The following ITGA5 variants were observed in gnomAD, a reference collection of about 807,000 sequenced individuals.
ITGA5 encodes integrin subunit alpha 5.
A neutral mutation model predicts 146.3 loss-of-function variants in ITGA5; 55 were observed. The observed-to-expected ratio is 0.38, with a 90% CI of 0.30 to 0.47. The LOEUF (loss-of-function observed/expected upper bound fraction) is 0.47, where lower values mean the gene tolerates loss of function less well. Among genes scored for constraint, ITGA5 ranks in the 20% least tolerant of loss-of-function variants. The pLI, the probability that ITGA5 is intolerant of heterozygous loss-of-function variation, is 0.99. For missense variants in ITGA5, 1,131 were observed against 1,329.0 expected, an observed-to-expected ratio of 0.85 and a Z score of 2.32; for synonymous variants, 500 against 531.8, an observed-to-expected ratio of 0.94 and a Z score of 0.82.
At chr12:54,414,936 G>T (rs530694796) in intron 1 of ITGA5, among the ~76,000 whole-genome samples, 1 of 152,244 alleles carries the variant, frequency 6.6e-6, no homozygotes, top group East Asian at 1.9e-4. Flanking sequence ...ATCACCTGAG[G>T]TCGGGAGTTT....
chr12:54,402,315 C>T lies in ITGA5; in HGVS notation c.1998G>A (p.Val666=). ...TCAGGGCATTCTTGTCACCCAGGTA[C>T]ACATGGTTCTGCTCCCTGGAAGGGA... ...QLEVFGEQNH[V]YLGDKNALNL... Residue 666 remains valine (V), a synonymous_variant, in exon 20 of 30, where the codon GTG becomes GTA. Transcript: ENST00000293379. 1.9e-6 allele frequency: 3 copies of T among 1,613,580 alleles called. No homozygotes were observed. Among genetic ancestry groups the T allele is most frequent in the Non-Finnish European group, 2.5e-6 (3 of 1,179,676 alleles).
intron 15 of ITGA5, 81 bp downstream of exon 15, chr12:54,404,063 AT>A: frequency 6.4e-7 from 1 of 1,564,240 alleles, no homozygotes; most frequent in Non-Finnish European, 8.8e-7. Flanking sequence ...GGACACCACC[AT>A]TTTCCCCTTT....
chr12:54,401,766 C>G lies in ITGA5; in HGVS notation c.2306+10G>C, dbSNP rs373692259. 6 of 1,613,700 alleles carry G rather than the reference C, an allele frequency of 3.7e-6. No individual in the cohort carries two copies. The African/African-American group carries it at 6.7e-5, about 18-fold the overall frequency. On this transcript the variant is annotated intron_variant, in intron 22 of 29. Transcript: ENST00000293379. This position sits in a 1 kb window ranked among gnomAD's most constrained non-coding sequence, Gnocchi z 5.0. ...AGCTCAGCCCCAGCCTAGACACACT[C>G]ACTCCCTACCTGAGGATCTGGAAGT...
rs1197054121 is a variant in ITGA5, at chr12:54,401,849, C to T, written c.2233G>A (p.Gly745Ser). The T allele has an allele frequency of 2.5e-6, 4 of 1,613,982 alleles. No homozygotes were observed. In the Admixed American group the frequency reaches 5.0e-5, roughly 20 times the overall value. Residue 745 changes from glycine to serine, a missense_variant, in exon 22 of 30, where the codon GGT becomes AGT. Gly to Ser is a moderately conservative substitution (Grantham distance 56, BLOSUM62 0). Transcript: ENST00000293379. The surrounding 1 kb of genome is among the most constrained non-coding windows in gnomAD (Gnocchi z 5.0). ...TGAGGGACTGTAAACCGAAGGCCAC[C>T]CCACAGCTGGGGACAGAAAAAGAGG... The part of the protein sequence containing the change: ...NPMKAGASLW[G>S]GLRFTVPHLR...
Position 54,403,344 on chromosome 12 carries a change from T to A in ITGA5, c.1777-20A>T. The A allele has an allele frequency of 6.6e-7, 1 of 1,504,824 alleles. No homozygotes were observed. Among genetic ancestry groups the A allele is most frequent in the Admixed American group, 2.3e-5 (1 of 43,138 alleles). The allele number at this position is 1,504,824 out of a possible 1,614,324, so 93.2% of individuals were successfully genotyped here. On this transcript the variant is annotated intron_variant, in intron 17 of 29. Transcript: ENST00000293379. This position sits in a 1 kb window ranked among gnomAD's most constrained non-coding sequence, Gnocchi z 4.9. ...CTCGTTCTGGGGCCAGAGGAGAGAG[T>A]TCACGGAGTCAGGGGACTCTGGAGA...
intron 13 of ITGA5, 52 bp downstream of exon 13, chr12:54,404,651 G>A: frequency 6.5e-7 from 1 of 1,534,378 alleles, no homozygotes; most frequent in Non-Finnish European, 9.0e-7. Flanking sequence ...AGAGAGTAGG[G>A]GTCAGTGACC....
At position 54,401,505 on chromosome 12, in the gene ITGA5, G is replaced by GTGGTTTA; in HGVS notation, c.2388-28_2388-27insTAAACCA. 6.2e-7 allele frequency: 1 copy of GTGGTTTA among 1,607,184 alleles called. No homozygotes were observed. The highest frequency in any genetic ancestry group is 8.5e-7 in the Non-Finnish European group (1 of 1,173,822). On this transcript the variant is annotated intron_variant, in intron 23 of 29. Transcript: ENST00000293379. This position sits in a 1 kb window ranked among gnomAD's most constrained non-coding sequence, Gnocchi z 5.0. ...TAAGGAGGAGGGTGGTTTAGAGGAGGGTGGAAGGAACCCCATATGCATCCT... is the reference window on the plus strand; with the variant it reads ...TAAGGAGGAGGGTGGTTTAGAGGAGGTGGTTTAGTGGAAGGAACCCCATATGCATCCT...
At chr12:54,405,486 G>T in intron 11 of ITGA5, 112 bp from the exon 12 acceptor site, 1 of 1,038,450 alleles carries the variant, frequency 9.6e-7, no homozygotes, top group Non-Finnish European at 1.4e-6. Context: ...GAAGACCTGA[G>T]GTCTCTGATC....
intron 8 of ITGA5, 68 bp from the exon 9 acceptor site, chr12:54,407,760 A>G: frequency 1.2e-6 from 2 of 1,604,798 alleles, no homozygotes; most frequent in Non-Finnish European, 1.7e-6. Flanking sequence ...TAAGTGGCCA[A>G]GTTCATGGGC....
In ITGA5 at chr12:54,408,180, G is replaced by A. The variant is rs1955891699; in HGVS notation, c.747C>T (p.Tyr249=). The change falls in exon 7 of 30, where the codon TAC becomes TAT. Residue 249 remains tyrosine, a synonymous_variant. Transcript: ENST00000293379. ...EQIAESYYPE[Y]LINLVQGQLQ... ...GCTGCCCCTGAACCAGGTTGATCAG[G>A]TACTCGGGGTAATAAGATTCTGCAA... 1.2e-6 allele frequency: 2 copies of A among 1,614,050 alleles called. No individual in the cohort carries two copies. The highest frequency in any genetic ancestry group is 1.1e-5 in the South Asian group (1 of 91,088).
intron 1 of ITGA5, among the ~76,000 whole-genome samples, chr12:54,417,660 T>C (rs1956024330): frequency 6.6e-6 from 1 of 152,092 alleles, no homozygotes. Context: ...TAGAGATCAG[T>C]TAACTGTCTC....
At chr12:54,405,989 C>T in intron 9 of ITGA5, 63 bp from the exon 10 acceptor site, 1 of 1,410,904 alleles carries the variant, frequency 7.1e-7, no homozygotes, top group East Asian at 2.3e-5. Context: ...GGTTAAAGAA[C>T]AGATGTGTAC....
Position 54,396,075 on chromosome 12 carries a change from G to A in ITGA5, c.*218C>T. 1.9e-6 allele frequency: 1 copy of A among 527,464 alleles called. No homozygotes were observed. The highest frequency in any genetic ancestry group is 3.4e-6 in the Non-Finnish European group (1 of 292,812). The allele number at this position is 527,464 out of a possible 1,614,324, so 32.7% of individuals were successfully genotyped here. ...TCTGAGTTCCCCCATCCATGAAGAG[G>A]GTATGTGTAAACAAGGGTCCTTCAC... is the stretch of plus-strand genomic sequence containing the variant. On this transcript the variant is annotated 3_prime_UTR_variant, in exon 30 of 30. Transcript: ENST00000293379.
At position 54,403,141 on chromosome 12, in the gene ITGA5, C is replaced by T. The variant is rs1476948713; in HGVS notation, c.1914+46G>A. 2.5e-6 allele frequency: 4 copies of T among 1,591,256 alleles called. No individual in the cohort carries two copies. Among genetic ancestry groups the T allele is most frequent in the Non-Finnish European group, 3.4e-6 (4 of 1,169,178 alleles). On this transcript the variant is annotated intron_variant, in intron 18 of 29. Transcript: ENST00000293379. The surrounding 1 kb of genome is among the most constrained non-coding windows in gnomAD (Gnocchi z 4.9). Reference sequence around the variant, plus strand: ...TTCCATGGCCCTGCCCCCCCAATACCCAGGCCTCTGTCTTCCCAGGTCCCT... The same window carrying T: ...TTCCATGGCCCTGCCCCCCCAATACTCAGGCCTCTGTCTTCCCAGGTCCCT...
Position 54,408,748 on chromosome 12 carries a change from G to C in ITGA5, c.691+8C>G. Reference sequence around the variant, plus strand: ...AAAAAAAAAAAGAATGGCAGAGACAGGACTTACCTTGCCAGAAATAGCTTC... The same window carrying C: ...AAAAAAAAAAAGAATGGCAGAGACACGACTTACCTTGCCAGAAATAGCTTC... On this transcript the variant is annotated splice_region_variant and intron_variant, in intron 6 of 29. Transcript: ENST00000293379. 6.3e-7 allele frequency: 1 copy of C among 1,591,718 alleles called. No individual in the cohort carries two copies.
In ITGA5 at chr12:54,399,760, T is replaced by C; in HGVS notation, c.2728-2A>G. On this transcript the variant is annotated splice_acceptor_variant, in intron 26 of 29. Transcript: ENST00000293379. LOFTEE classifies it high-confidence loss of function. Reference sequence around the variant, plus strand: ...GAAACACTCAGCCTCCGGGCATTTCTAGGAAGAAAGAAGCTTGAACCTGGT... The same window carrying C: ...GAAACACTCAGCCTCCGGGCATTTCCAGGAAGAAAGAAGCTTGAACCTGGT... 6.2e-7 allele frequency: 1 copy of C among 1,614,038 alleles called. No homozygotes were observed. Among genetic ancestry groups the C allele is most frequent in the African/African-American group, 1.3e-5 (1 of 75,052 alleles).
At chr12:54,414,418 A>G (rs1955980483) in intron 1 of ITGA5, among the ~76,000 whole-genome samples, 1 of 152,244 alleles carries the variant, frequency 6.6e-6, no homozygotes, top group African/African-American at 2.4e-5. Context: ...TTTACCAGAT[A>G]AGGTGGCCTA....
chr12:54,405,505 T>G, intron 11 of ITGA5, 131 bp from the exon 12 acceptor site: 2 of 1,007,548 alleles, frequency 2.0e-6, no homozygotes, highest in Non-Finnish European at 3.0e-6. Context: ...TCATCAGCTC[T>G]CAGCTCTTTC....
In ITGA5 at chr12:54,401,348, C is replaced by A. The variant is rs775140049; in HGVS notation, c.2493+25G>T. The A allele has an allele frequency of 4.7e-6, 7 of 1,500,032 alleles. No individual in the cohort carries two copies. In the South Asian group the frequency reaches 7.9e-5, roughly 17 times the overall value. 92.9% of individuals were successfully genotyped at this position (1,500,032 alleles called of 1,614,324 possible). On this transcript the variant is annotated intron_variant, in intron 24 of 29. Transcript: ENST00000293379. The surrounding 1 kb of genome is among the most constrained non-coding windows in gnomAD (Gnocchi z 5.0). The stretch of plus-strand genomic sequence containing the variant: ...AGCTCCTCCTTTCCCATCATTCATT[C>A]TGGCCCTGCCCCTTCCCCCCTTACC...
Sources: gnomAD v4.1 joint callset for allele counts (sites outside exome capture counted in the v4.1 genomes callset) on GRCh38, gnomAD v4.1.1 for gene constraint, Gnocchi (gnomAD v3.1) non-coding constraint, MANE v1.5 for transcripts, NCBI Gene and HGNC (gene_info 2026-07-23, HGNC 2026-07-21) for gene names.